The following NELFA variants were observed in gnomAD, a reference collection of about 807,000 sequenced individuals.
NELFA encodes the protein negative elongation factor complex member A.
Under a neutral mutation model 51.8 loss-of-function variants are expected in NELFA, and 35 were observed. The ratio of observed to expected loss-of-function variants is 0.68; its 90% CI spans 0.52 to 0.90. NELFA has a LOEUF of 0.90. Among genes scored for constraint, NELFA ranks in the 40% least tolerant of loss-of-function variants. The pLI is 0.00. For missense variants in NELFA, 658 were observed against 746.4 expected (o/e 0.88, Z 1.38); for synonymous variants, 417 against 338.4 (o/e 1.23, Z -2.55).
intron 1 of NELFA, among the ~76,000 whole-genome samples, chr4:1,992,908 C>G (rs1187509769): frequency 6.6e-6 from 1 of 152,236 alleles, no homozygotes; most frequent in Admixed American, 6.5e-5. Flanking sequence ...CCAGCCCCTT[C>G]TGTTCCTTGG....
At chr4:1,984,200 C>CCCCTTCTCTGTCCTGCTA (rs1728010375) in intron 8 of NELFA, 87 bp from the exon 9 acceptor site, 2 of 1,396,198 alleles carry the variant, frequency 1.4e-6, no homozygotes, top group African/African-American at 2.9e-5. Flanking sequence ...AGGCTCAGCT[C>CCCCTTCTCTGTCCTGCTA]CCCTTCTCTG....
At chr4:2,008,563 G>A (rs963936057) in intron 1 of NELFA, among the ~76,000 whole-genome samples, 187 bp downstream of exon 1, 9 of 146,136 alleles carry the variant, frequency 6.2e-5, no homozygotes, top group African/African-American at 1.5e-4. Flanking sequence ...CCCAGGGGGA[G>A]GTGAGGACTG....
chr4:1,984,965 C>T (rs759683130), intron 7 of NELFA, 46 bp from the exon 8 acceptor site: 45 of 1,408,066 alleles, frequency 3.2e-5, no homozygotes, highest in African/African-American at 7.1e-5. Flanking sequence ...GCCATGCTTC[C>T]GGCATGTGCT....
chr4:1,991,428 G>A lies in NELFA; in HGVS notation c.382+116C>T, dbSNP rs778379047. The stretch of plus-strand genomic sequence containing the variant: ...GTGCATATACAGTTAATATTCTAGG[G>A]ACCAGGACACACGGAAAAACGTAAA... On this transcript the variant is annotated intron_variant, in intron 2 of 10. Coordinates refer to ENST00000382882, the MANE Select transcript of NELFA (RefSeq NM_005663.5). The A allele has an allele frequency of 3.8e-6, 4 of 1,062,778 alleles. No homozygotes were observed. In the African/African-American group the frequency reaches 4.7e-5, roughly 13 times the overall value. The allele number at this position is 1,062,778 out of a possible 1,614,324, so 65.8% of individuals were successfully genotyped here.
intron 1 of NELFA, among the ~76,000 whole-genome samples, chr4:1,994,652 G>A: frequency 6.6e-6 from 1 of 151,746 alleles, no homozygotes; most frequent in East Asian, 1.9e-4. Context: ...TCAGGAGATT[G>A]AGACCATCCT....
intron 1 of NELFA, among the ~76,000 whole-genome samples, chr4:2,003,169 C>G (rs1156457274): frequency 6.6e-6 from 1 of 152,240 alleles, no homozygotes; most frequent in East Asian, 1.9e-4. Flanking sequence ...AAATCAAAAC[C>G]ACAATGAGAT....
chr4:1,991,578 G>A lies in NELFA; in HGVS notation c.348C>T (p.Asn116=), dbSNP rs765571034. 23 of 1,613,924 alleles carry A rather than the reference G, an allele frequency of 1.4e-5. No homozygotes were observed. The highest frequency in any genetic ancestry group is 3.3e-5 in the South Asian group (3 of 91,086). The part of the protein sequence containing the change: ...LNLELEEQNP[N]VQDILGELRE... ...TAAGTTCTCCCAAAATATCCTGAAC[G>A]TTGGGATTCTGCTCCTCCAGCTCCA... Residue 116 remains asparagine, a synonymous_variant, in exon 2 of 11, where the codon AAC becomes AAT. Coordinates refer to ENST00000382882, the MANE Select transcript of NELFA (RefSeq NM_005663.5).
intron 1 of NELFA, among the ~76,000 whole-genome samples, chr4:1,994,614 G>A (rs1728372351): frequency 6.6e-6 from 1 of 151,456 alleles, no homozygotes; most frequent in African/African-American, 2.4e-5. Context: ...CTAGCATTTT[G>A]GGAGGCTGAG....
chr4:1,986,546 A>G (rs915511347), intron 4 of NELFA, 144 bp from the exon 5 acceptor site: 2 of 1,329,086 alleles, frequency 1.5e-6, no homozygotes, highest in African/African-American at 1.5e-5. Context: ...CAGGACCCCC[A>G]GGATCCCGGA....
In NELFA at chr4:2,008,939, G is replaced by C; in HGVS notation, c.21C>G (p.Ser7Arg). The C allele has an allele frequency of 6.4e-7, 1 of 1,565,276 alleles. No individual in the cohort carries two copies. Among genetic ancestry groups the C allele is most frequent in the Non-Finnish European group, 8.7e-7 (1 of 1,155,014 alleles). ...TGTTGTGCAGCCACAGGCCCGTGTC[G>C]CTCTCCCGCATGGACGCCATCTTGG... Reference protein sequence around the residue: MASMRESDTGLWLHNKL... With the variant: MASMRERDTGLWLHNKL... The change falls in exon 1 of 11, where the codon AGC (serine) becomes AGG (arginine). Residue 7 changes from serine to arginine, a missense_variant. By Grantham distance (110) the Ser-to-Arg change is moderately radical (BLOSUM62 -1). Around this residue, in one of 3 missense-constraint regions of NELFA, gnomAD observed 371 missense variants for 448.3 expected, o/e 0.83. Coordinates refer to ENST00000382882, the MANE Select transcript of NELFA (RefSeq NM_005663.5).
intron 1 of NELFA, among the ~76,000 whole-genome samples, chr4:2,001,578 T>C (rs1363631986): frequency 6.6e-6 from 1 of 152,216 alleles, no homozygotes; most frequent in Admixed American, 6.5e-5. Context: ...GAAGGACCTC[T>C]TCAAAGAGAA....
Position 1,991,644 on chromosome 4 carries a change from G to C in NELFA, c.282C>G (p.Ala94=). 6.2e-7 allele frequency: 1 copy of C among 1,613,956 alleles called. No individual in the cohort carries two copies. Among genetic ancestry groups the C allele is most frequent in the Non-Finnish European group, 8.5e-7 (1 of 1,179,974 alleles). The part of the protein sequence containing the change: ...LDSDPWVLMV[A]DILKSFPDTG... ...TGTCCGGAAAGGACTTCAAGATGTC[G>C]GCGACCATGAGCACCCAGGGGTCCG... Residue 94 remains alanine, a synonymous_variant, in exon 2 of 11, where the codon GCC becomes GCG. Transcript: ENST00000382882.
In NELFA at chr4:2,008,909, C is replaced by A; in HGVS notation, c.51G>T (p.Leu17=). The change falls in exon 1 of 11, where the codon CTG becomes CTT. Residue 17 remains leucine (L), a synonymous_variant. Transcript: ENST00000382882. ...GCGCCCACAGCTCGTCCGTGGCCCC[C>A]AGCTTGTTGTGCAGCCACAGGCCCG... ...SDTGLWLHNK[L]GATDELWAPP... 5.7e-6 allele frequency: 9 copies of A among 1,581,946 alleles called. No homozygotes were observed. The highest frequency in any genetic ancestry group is 7.7e-6 in the Non-Finnish European group (9 of 1,164,900).
At chr4:1,988,613 G>A (rs760888884) in intron 3 of NELFA, among the ~76,000 whole-genome samples, 1 of 152,236 alleles carries the variant, frequency 6.6e-6, no homozygotes, top group Non-Finnish European at 1.5e-5. Context: ...CAAGATCCAT[G>A]CACAGCTGCT....
In NELFA at chr4:1,988,917, G is replaced by A. The variant is rs149911187; in HGVS notation, c.544+791C>T. ...TCATTTGGTCACAGAGATTAGAGATGCCTTCACCTAAAATTCTGAAGTTGG... is the reference window on the plus strand; with the variant it reads ...TCATTTGGTCACAGAGATTAGAGATACCTTCACCTAAAATTCTGAAGTTGG... On this transcript the variant is annotated intron_variant, in intron 3 of 10. Transcript: ENST00000382882. 3.6e-3 allele frequency among the ~76,000 whole-genome samples: 537 copies of A among 150,004 alleles called. 7 individuals are homozygous for A. The highest frequency in any genetic ancestry group is 0.012 in the African/African-American group (502 of 40,758).
In NELFA at chr4:1,984,007, C is replaced by T; in HGVS notation, c.1143G>A (p.Leu381=). The T allele has an allele frequency of 6.2e-7, 1 of 1,609,048 alleles. No homozygotes were observed. Among genetic ancestry groups the T allele is most frequent in the Non-Finnish European group, 8.5e-7 (1 of 1,179,608 alleles). The change falls in exon 9 of 11, where the codon CTG becomes CTA. Residue 381 remains leucine, a synonymous_variant. Coordinates refer to ENST00000382882, the MANE Select transcript of NELFA (RefSeq NM_005663.5). ...KQRAPMYNSG[L]SPATPTPAAP... The stretch of plus-strand genomic sequence containing the variant: ...CCGCAGGCGTGGGTGTGGCAGGGCT[C>T]AGGCCGCTGTTGTACATGGGCGCCC...
chr4:2,006,250 G>A, intron 1 of NELFA, among the ~76,000 whole-genome samples: 1 of 152,128 alleles, frequency 6.6e-6, no homozygotes, highest in Non-Finnish European at 1.5e-5. Context: ...TTGGGTGCTG[G>A]ACTAATTGCA....
chr4:2,008,918 G>C lies in NELFA; in HGVS notation c.42C>G (p.His14Gln). Residue 14 changes from histidine (H) to glutamine (Q), a missense_variant, in exon 1 of 11, where the codon CAC becomes CAG. Around this residue, in one of 3 missense-constraint regions of NELFA, gnomAD observed 371 missense variants for 448.3 expected, o/e 0.83. Transcript: ENST00000382882. ...GCTCGTCCGTGGCCCCCAGCTTGTT[G>C]TGCAGCCACAGGCCCGTGTCGCTCT... ...MRESDTGLWLHNKLGATDELW... is the reference protein window; with the variant it reads ...MRESDTGLWLQNKLGATDELW... 6.3e-7 allele frequency: 1 copy of C among 1,578,292 alleles called. No homozygotes were observed. The highest frequency in any genetic ancestry group is 1.2e-5 in the South Asian group (1 of 86,452).
intron 1 of NELFA, among the ~76,000 whole-genome samples, chr4:1,997,650 G>A (rs1728460709): frequency 6.6e-6 from 1 of 152,208 alleles, no homozygotes; most frequent in Non-Finnish European, 1.5e-5. Flanking sequence ...AATCACTATG[G>A]AGAAAGTAAG....
Sources: gnomAD v4.1 joint callset for allele counts (sites outside exome capture counted in the v4.1 genomes callset) on GRCh38, gnomAD v4.1.1 for gene constraint, gnomAD v4.1.1 regional missense constraint, MANE v1.5 for transcripts, NCBI Gene and HGNC (gene_info 2026-07-23, HGNC 2026-07-21) for gene names.